The following SNCAIP variants were observed in gnomAD, a reference collection of about 807,000 sequenced individuals.
SNCAIP encodes the protein synphilin-1.
In SNCAIP, 43 loss-of-function variants were observed where a neutral mutation model predicts 86.7. That is an observed-to-expected ratio of 0.50 (90% confidence interval 0.39 to 0.64). The LOEUF (loss-of-function observed/expected upper bound fraction) is 0.64. Among genes scored for constraint, SNCAIP ranks in the 30% least tolerant of loss-of-function variants. The pLI is 0.00. For missense variants in SNCAIP, 981 were observed against 1,103.1 expected, an observed-to-expected ratio of 0.89 and a Z score of 1.57; for synonymous variants, 417 against 427.2, an observed-to-expected ratio of 0.98 and a Z score of 0.29.
At chr5:122,455,650 A>G (rs1714518317) in intron 10 of SNCAIP, among the ~76,000 whole-genome samples, 1 of 151,834 alleles carries the variant, frequency 6.6e-6, no homozygotes, top group South Asian at 2.1e-4. Context: ...TTGGAATTCC[A>G]TTTTAGTTAA....
chr5:122,421,757 C>T (rs1161212481), intron 3 of SNCAIP, among the ~76,000 whole-genome samples: 3 of 152,076 alleles, frequency 2.0e-5, no homozygotes, highest in Non-Finnish European at 4.4e-5. Flanking sequence ...TCCAAGGGTA[C>T]TGGGTCATCT....
At chr5:122,361,719 T>G (rs1272292175) in intron 1 of SNCAIP, among the ~76,000 whole-genome samples, 5 of 152,208 alleles carry the variant, frequency 3.3e-5, no homozygotes, top group Non-Finnish European at 2.9e-5. Flanking sequence ...CCCAGCATGA[T>G]CATTTCTAGC....
intron 3 of SNCAIP, among the ~76,000 whole-genome samples, chr5:122,416,033 A>G (rs1366199913): frequency 6.6e-6 from 1 of 152,166 alleles, no homozygotes; most frequent in Non-Finnish European, 1.5e-5. Flanking sequence ...TTGAAGCCCA[A>G]AGGTTTAAAG....
chr5:122,323,789 C>T lies in SNCAIP; in HGVS notation c.-47+11505C>T, dbSNP rs369779362. On this transcript the variant is annotated intron_variant, in intron 1 of 10. Transcript: ENST00000261368. ...AAGCTGTCAAATTAGTACAGAAATT[C>T]GATCCAGGTTGATGGTTTTCCAAAA... Among the ~76,000 whole-genome samples, 71 of 152,250 alleles carry T rather than the reference C, an allele frequency of 4.7e-4. 1 individual carries two copies. The East Asian group carries it at 0.011, about 24-fold the overall frequency.
chr5:122,377,794 G>GT (rs1395523236), intron 1 of SNCAIP, among the ~76,000 whole-genome samples: 1 of 147,614 alleles, frequency 6.8e-6, no homozygotes, highest in African/African-American at 2.5e-5. Flanking sequence ...GCGGTGTTTG[G>GT]TTTTTTGTTC....
chr5:122,389,063 G>C (rs1768798768), intron 1 of SNCAIP: 1 of 152,186 alleles, frequency 6.6e-6, no homozygotes, highest in Non-Finnish European at 1.5e-5. Flanking sequence ...GTGATGCCAT[G>C]AGTTATTATC....
intron 3 of SNCAIP, among the ~76,000 whole-genome samples, chr5:122,408,957 A>G (rs978095840): frequency 2.6e-5 from 4 of 152,220 alleles, no homozygotes; most frequent in Admixed American, 2.6e-4. Flanking sequence ...TAACAAGTGG[A>G]TGTGAAACTT....
At chr5:122,459,688 T>C (rs1226052370) in intron 10 of SNCAIP, among the ~76,000 whole-genome samples, 1 of 152,206 alleles carries the variant, frequency 6.6e-6, no homozygotes, top group African/African-American at 2.4e-5. Flanking sequence ...GCACCTCTTA[T>C]ATTAAAGCAG....
chr5:122,411,373 A>T (rs1774081093), intron 3 of SNCAIP, among the ~76,000 whole-genome samples: 1 of 152,164 alleles, frequency 6.6e-6, no homozygotes, highest in South Asian at 2.1e-4. Flanking sequence ...TACTTTTTAA[A>T]GGCAAAAGTA....
chr5:122,453,129 C>T (rs764355454), intron 10 of SNCAIP: 3 of 576,026 alleles, frequency 5.2e-6, no homozygotes, highest in Non-Finnish European at 9.3e-6. Flanking sequence ...ACAACTATTC[C>T]CCCAAGTAGA....
intron 3 of SNCAIP, among the ~76,000 whole-genome samples, chr5:122,410,660 T>TA (rs1773929852): frequency 6.6e-6 from 1 of 151,986 alleles, no homozygotes; most frequent in Non-Finnish European, 1.5e-5. Context: ...CTGTCTCCAC[T>TA]AAAAACACAA....
At chr5:122,327,433 A>G (rs1318163913) in intron 1 of SNCAIP, among the ~76,000 whole-genome samples, 2 of 152,034 alleles carry the variant, frequency 1.3e-5, no homozygotes, top group Non-Finnish European at 2.9e-5. Context: ...CCCCTCCCAA[A>G]TCTCATCTTG....
intron 1 of SNCAIP, among the ~76,000 whole-genome samples, chr5:122,385,517 A>T (rs1269435179): frequency 6.6e-6 from 1 of 152,232 alleles, no homozygotes; most frequent in Non-Finnish European, 1.5e-5. Context: ...CTACTGAGCC[A>T]ACTGGGGACA....
intron 1 of SNCAIP, among the ~76,000 whole-genome samples, chr5:122,326,938 CTATG>C (rs36064900): frequency 0.15 from 22,089 of 146,742 alleles, 4,509 homozygotes; most frequent in African/African-American, 0.46. Context: ...ACTTTCTCAA[CTATG>C]TATGTATGTA....
At chr5:122,386,764 A>C (rs1261420802) in intron 1 of SNCAIP, among the ~76,000 whole-genome samples, 3 of 151,940 alleles carry the variant, frequency 2.0e-5, no homozygotes, top group African/African-American at 7.3e-5. Context: ...CCATTGAAAA[A>C]TGTTTCCTTT....
intron 1 of SNCAIP, among the ~76,000 whole-genome samples, chr5:122,333,778 A>G (rs1382695621): frequency 6.6e-6 from 1 of 152,266 alleles, no homozygotes. Flanking sequence ...TGTGAACAGC[A>G]GTAGTCCTGA....
intron 1 of SNCAIP, among the ~76,000 whole-genome samples, chr5:122,328,190 T>C (rs148490796): frequency 2.0e-4 from 31 of 152,370 alleles, no homozygotes; most frequent in African/African-American, 6.0e-4. Flanking sequence ...TCAATGAATG[T>C]GATTAATAAA....
Position 122,423,732 on chromosome 5 carries a change from C to G in SNCAIP, c.995C>G (p.Ser332Cys). The change falls in exon 4 of 11, where the codon TCT (serine) becomes TGT (cysteine). Residue 332 changes from serine to cysteine, a missense_variant. Coordinates refer to ENST00000261368, the MANE Select transcript of SNCAIP (RefSeq NM_005460.4). ...AACATTGTTAAAGAAGGACAGATCT[C>G]TCTCCTGGTAAGTATAATCTAGTTC... Reference protein sequence around the residue: ...ILNIVKEGQISLLPHLAADNL... With the variant: ...ILNIVKEGQICLLPHLAADNL... 6.2e-7 allele frequency: 1 copy of G among 1,600,350 alleles called. No individual in the cohort carries two copies. Among genetic ancestry groups the G allele is most frequent in the Non-Finnish European group, 8.5e-7 (1 of 1,179,606 alleles).
intron 1 of SNCAIP, among the ~76,000 whole-genome samples, chr5:122,335,265 T>C (rs1228731121): frequency 6.6e-6 from 1 of 152,184 alleles, no homozygotes; most frequent in African/African-American, 2.4e-5. Flanking sequence ...AGGCTTTTTG[T>C]GTGTGTGACA....
Sources: gnomAD v4.1 joint callset for allele counts (sites outside exome capture counted in the v4.1 genomes callset) on GRCh38, gnomAD v4.1.1 for gene constraint, MANE v1.5 for transcripts, NCBI Gene and HGNC (gene_info 2026-07-23, HGNC 2026-07-21) for gene names.